SIRT1: variants seen among roughly 807,000 people sequenced by gnomAD.
SIRT1 encodes NAD-dependent protein deacetylase sirtuin-1.
Under a neutral mutation model 67.9 loss-of-function variants are expected in SIRT1, and 24 were observed. The observed-to-expected ratio is 0.35, with a 90% CI of 0.26 to 0.50. SIRT1 has a LOEUF of 0.50. Ranked by LOEUF, SIRT1 falls within the 20% of genes least tolerant of loss-of-function variation. SIRT1 has a pLI of 0.98. For synonymous variants in SIRT1, 378 were observed against 350.7 expected (o/e 1.08, Z -0.87); for missense variants, 873 against 937.2 (o/e 0.93, Z 0.89).
rs2234975 is a variant in SIRT1 at position 67,918,321 on chromosome 10, C to T, written c.*1728C>T. On this transcript the variant is annotated 3_prime_UTR_variant, in exon 9 of 9. Coordinates refer to ENST00000212015, the MANE Select transcript of SIRT1 (RefSeq NM_012238.5). ...TCCTTCAACTTTTGAAATACAAAAC[C>T]AGTGTTTTTTACTTGTACACTGTTT... 0.058 allele frequency: 8,904 copies of T among 152,590 alleles called. 342 individuals carry two copies. Among genetic ancestry groups the T allele is most frequent in the Non-Finnish European group, 0.086 (5,827 of 67,990 alleles). The allele number at this position is 152,590 out of a possible 1,614,324, so 9.5% of individuals were successfully genotyped here. A position where few individuals can be genotyped will look rare whatever the true frequency, so the allele number is the denominator to read the frequency against.
intron 4 of SIRT1, among the ~76,000 whole-genome samples, chr10:67,891,799 C>T (rs763788458): frequency 9.2e-5 from 14 of 152,084 alleles, no homozygotes; most frequent in Non-Finnish European, 1.9e-4. Flanking sequence ...TGCACTGCAG[C>T]GATGGTCGTT....
intron 4 of SIRT1, among the ~76,000 whole-genome samples, chr10:67,895,323 G>A (rs1172404853): frequency 6.6e-6 from 1 of 152,150 alleles, no homozygotes; most frequent in African/African-American, 2.4e-5. Flanking sequence ...GCAGGAGGCT[G>A]AGACGGGGAG....
chr10:67,900,907 A>G (rs565542029), intron 4 of SIRT1, among the ~76,000 whole-genome samples: 7 of 152,106 alleles, frequency 4.6e-5, no homozygotes, highest in African/African-American at 1.7e-4. Context: ...TTCAAATTTT[A>G]TTTTTATGGA....
At chr10:67,895,967 C>G (rs953224533) in intron 4 of SIRT1, among the ~76,000 whole-genome samples, 1 of 151,896 alleles carries the variant, frequency 6.6e-6, no homozygotes, top group African/African-American at 2.4e-5. Context: ...GTCTCGAACT[C>G]CTGACCTCAG....
In SIRT1 at chr10:67,885,178, T is replaced by G. The variant is rs928658224; in HGVS notation, c.430+27T>G. 2.2e-6 allele frequency: 3 copies of G among 1,345,130 alleles called. No homozygotes were observed. In the African/African-American group the frequency reaches 4.6e-5, roughly 21 times the overall value. The allele number at this position is 1,345,130 out of a possible 1,614,324, so 83.3% of individuals were successfully genotyped here. A position where few individuals can be genotyped will look rare whatever the true frequency, so the allele number is the denominator to read the frequency against. ...TGCGCAGGGTGCGGGCGGCCGGAAC[T>G]GCGCATCTCCTCCTCCCTCTCCCCG... On this transcript the variant is annotated intron_variant, in intron 1 of 8. Coordinates refer to ENST00000212015, the MANE Select transcript of SIRT1 (RefSeq NM_012238.5).
chr10:67,887,866 T>G (rs754405220), intron 2 of SIRT1, among the ~76,000 whole-genome samples: 29 of 152,344 alleles, frequency 1.9e-4, no homozygotes, highest in Non-Finnish European at 3.1e-4. Context: ...ATGTGCCACC[T>G]TGCCCCACCT....
rs1842447438 is a variant in SIRT1, at chr10:67,884,756, G to A, written c.35G>A (p.Gly12Asp). 1 of 1,228,882 alleles carries A rather than the reference G, an allele frequency of 8.1e-7. No homozygotes were observed. Among genetic ancestry groups the A allele is most frequent in the Non-Finnish European group, 1.0e-6 (1 of 986,084 alleles). 76.1% of individuals were successfully genotyped at this position (1,228,882 alleles called of 1,614,324 possible). A position where few individuals can be genotyped will look rare whatever the true frequency, so the allele number is the denominator to read the frequency against. ...GAGGCGGCCCTCGCCCTTCAGCCCG[G>A]CGGCTCCCCCTCGGCGGCGGGGGCC... is the stretch of plus-strand genomic sequence containing the variant. ...ADEAALALQP[G>D]GSPSAAGADR... The change falls in exon 1 of 9, where the codon GGC becomes GAC. Residue 12 changes from glycine to aspartate, a missense_variant. Gly to Asp is a moderately conservative substitution (Grantham distance 94). Coordinates refer to ENST00000212015, the MANE Select transcript of SIRT1 (RefSeq NM_012238.5).
intron 4 of SIRT1, among the ~76,000 whole-genome samples, chr10:67,897,989 G>A (rs1319410845): frequency 2.2e-5 from 3 of 138,714 alleles, no homozygotes; most frequent in East Asian, 4.3e-4. Flanking sequence ...ACTGTTGTTC[G>A]GCTGGGCGTG....
chr10:67,902,775 AT>A (rs1387652031), intron 4 of SIRT1, among the ~76,000 whole-genome samples: 30 of 152,190 alleles, frequency 2.0e-4, no homozygotes, highest in Non-Finnish European at 3.2e-4. Context: ...ATTTTGATGA[AT>A]TCTCTAAAAA....
In SIRT1 at chr10:67,885,116, A is replaced by G; in HGVS notation, c.395A>G (p.Glu132Gly). ...DEDDDDEGEE[E>G]EEAAAAAIGY... ...GACGACGACGACGAGGGCGAGGAGG[A>G]GGAAGAGGCGGCGGCGGCGGCGATT... Residue 132 changes from glutamate to glycine, a missense_variant, in exon 1 of 9, where the codon GAG becomes GGG. Coordinates refer to ENST00000212015, the MANE Select transcript of SIRT1 (RefSeq NM_012238.5). 1 of 1,439,904 alleles carries G rather than the reference A, an allele frequency of 6.9e-7. No individual in the cohort carries two copies. The highest frequency in any genetic ancestry group is 9.2e-7 in the Non-Finnish European group (1 of 1,091,690). The allele number at this position is 1,439,904 out of a possible 1,614,324, so 89.2% of individuals were successfully genotyped here.
rs74790878 is a variant in SIRT1 at position 67,916,178 on chromosome 10, G to A, written c.1916-87G>A. The A allele has an allele frequency of 0.028, 32,700 of 1,174,718 alleles. 4,077 individuals are homozygous for A. The East Asian group carries it at 0.4, about 14-fold the overall frequency. The allele number at this position is 1,174,718 out of a possible 1,614,324, so 72.8% of individuals were successfully genotyped here. A position where few individuals can be genotyped will look rare whatever the true frequency, so the allele number is the denominator to read the frequency against. On this transcript the variant is annotated intron_variant, in intron 8 of 8. Coordinates refer to ENST00000212015, the MANE Select transcript of SIRT1 (RefSeq NM_012238.5). ...CATAAGGACACTTATAATAAAGGCAGAGCTGGAACCCACACTTCATTCCAG... is the reference window on the plus strand; with the variant it reads ...CATAAGGACACTTATAATAAAGGCAAAGCTGGAACCCACACTTCATTCCAG...
At chr10:67,886,398 G>A (rs1352019325) in intron 1 of SIRT1, among the ~76,000 whole-genome samples, 3 of 151,930 alleles carry the variant, frequency 2.0e-5, no homozygotes, top group Admixed American at 2.0e-4. Context: ...TTTCAGGCCA[G>A]CCTGGGCAAC....
chr10:67,885,218 T>G (rs868289204), intron 1 of SIRT1, 67 bp downstream of exon 1: 5 of 1,271,474 alleles, frequency 3.9e-6, no homozygotes, highest in Middle Eastern at 2.4e-4. Flanking sequence ...CCTACTGGCC[T>G]GAGGTTGAGG....
rs1589064466 is a variant in SIRT1, at chr10:67,884,801, C to A, written c.80C>A (p.Ser27Tyr). 8.2e-7 allele frequency: 1 copy of A among 1,216,684 alleles called. No homozygotes were observed. Among genetic ancestry groups the A allele is most frequent in the Middle Eastern group, 3.2e-4 (1 of 3,130 alleles). 75.4% of individuals were successfully genotyped at this position (1,216,684 alleles called of 1,614,324 possible). A position where few individuals can be genotyped will look rare whatever the true frequency, so the allele number is the denominator to read the frequency against. The change falls in exon 1 of 9, where the codon TCC becomes TAC. Residue 27 changes from serine to tyrosine, a missense_variant. Physicochemically the swap from Ser to Tyr is moderately radical, Grantham distance 144. This residue lies in a region of SIRT1 where 327 missense variants were observed against 283.9 expected (regional missense o/e 1.15). Transcript: ENST00000212015. ...AAGADREAAS[S>Y]PAGEPLRKRP... ...GGGGCCGACAGGGAGGCCGCGTCGT[C>A]CCCCGCCGGGGAGCCGCTCCGCAAG...
chr10:67,910,616 G>A (rs1842884248), intron 7 of SIRT1, among the ~76,000 whole-genome samples: 1 of 152,156 alleles, frequency 6.6e-6, no homozygotes, highest in Non-Finnish European at 1.5e-5. Context: ...TTTGGTAGAA[G>A]TGTAACATAC....
At chr10:67,899,422 C>T (rs1189367368) in intron 4 of SIRT1, among the ~76,000 whole-genome samples, 1 of 151,578 alleles carries the variant, frequency 6.6e-6, no homozygotes. Context: ...ATAGTTTGCC[C>T]CTTCCTTCAG....
intron 3 of SIRT1, 133 bp downstream of exon 3, chr10:67,889,256 G>A: frequency 6.0e-6 from 6 of 993,804 alleles, no homozygotes; most frequent in Non-Finnish European, 8.6e-6. Context: ...CAAAAACTGA[G>A]TGCAGCAGCA....
chr10:67,885,402 C>T, intron 1 of SIRT1: 2 of 1,228,882 alleles, frequency 1.6e-6, no homozygotes, highest in Non-Finnish European at 2.0e-6. Context: ...GCAGCCAGGT[C>T]GGGAGACTCT....
chr10:67,906,774 C>T lies in SIRT1; in HGVS notation c.943-16C>T. The T allele has an allele frequency of 6.3e-7, 1 of 1,598,792 alleles. No individual in the cohort carries two copies. Among genetic ancestry groups the T allele is most frequent in the Non-Finnish European group, 8.5e-7 (1 of 1,175,216 alleles). On this transcript the variant is annotated splice_polypyrimidine_tract_variant and intron_variant, in intron 4 of 8. Transcript: ENST00000212015. ...TTTCACTAATGTAAATTTTTTCTAC[C>T]ATTTGCTTGATACAGGAAATATATC...
Sources: allele counts gnomAD v4.1 joint callset (sites outside exome capture counted in the v4.1 genomes callset), GRCh38; gene constraint gnomAD v4.1.1; regional missense constraint gnomAD v4.1.1; transcripts MANE v1.5; gene names NCBI Gene and HGNC (gene_info 2026-07-23, HGNC 2026-07-21).